CSMD1: variants seen among roughly 807,000 people sequenced by gnomAD.
CSMD1 encodes CUB and Sushi multiple domains 1.
Under a neutral mutation model 417.5 loss-of-function variants are expected in CSMD1, and 213 were observed. The ratio of observed to expected loss-of-function variants is 0.51; its 90% CI spans 0.46 to 0.57. The LOEUF (loss-of-function observed/expected upper bound fraction) is 0.57, where lower values mean the gene tolerates loss of function less well. Among genes scored for constraint, CSMD1 ranks in the 20% least tolerant of loss-of-function variants. The probability of loss-of-function intolerance (pLI) is 0.00; values close to 1 mark genes in which losing one functional copy is unlikely to be tolerated. For missense variants in CSMD1, 6,923 were observed against 4,529.7 expected (o/e 1.53, Z -15.17); for synonymous variants, 2,862 against 1,736.8 (o/e 1.65, Z -16.11).
intron 17 of CSMD1, among the ~76,000 whole-genome samples, chr8:3,389,165 T>C (rs1305504312): frequency 6.6e-6 from 1 of 152,180 alleles, no homozygotes; most frequent in South Asian, 2.1e-4. Context: ...GTTTGTTACA[T>C]TGGTAAACTT....
At chr8:4,795,075 G>A (rs188159310) in intron 1 of CSMD1, among the ~76,000 whole-genome samples, 2 of 151,802 alleles carry the variant, frequency 1.3e-5, no homozygotes, top group East Asian at 1.9e-4. Flanking sequence ...TTTAATATAT[G>A]GAAGGTAATA....
At chr8:3,697,118 T>C (rs1451140451) in intron 7 of CSMD1, among the ~76,000 whole-genome samples, 2 of 152,196 alleles carry the variant, frequency 1.3e-5, no homozygotes, top group Admixed American at 1.3e-4. Flanking sequence ...TCATCAATAA[T>C]CAGCATAATC....
intron 1 of CSMD1, among the ~76,000 whole-genome samples, chr8:4,809,819 C>A (rs886964405): frequency 1.3e-5 from 2 of 152,262 alleles, no homozygotes; most frequent in Non-Finnish European, 2.9e-5. Context: ...TAGTACATAT[C>A]ATTGTGGACC....
At chr8:4,028,653 T>G (rs992206324) in intron 4 of CSMD1, among the ~76,000 whole-genome samples, 1 of 152,226 alleles carries the variant, frequency 6.6e-6, no homozygotes, top group East Asian at 1.9e-4. Context: ...CAGACTTGTG[T>G]TTGGGTCATA....
intron 1 of CSMD1, among the ~76,000 whole-genome samples, chr8:4,687,746 T>C (rs1806482678): frequency 6.6e-6 from 1 of 152,142 alleles, no homozygotes; most frequent in Non-Finnish European, 1.5e-5. Context: ...TCTTCTTCTA[T>C]TTCTGGTTCC....
chr8:3,662,044 A>C (rs546836092), intron 7 of CSMD1, among the ~76,000 whole-genome samples: 78 of 152,166 alleles, frequency 5.1e-4, no homozygotes, highest in African/African-American at 1.6e-3. Context: ...GTCGTAGAAA[A>C]CATGAAAGGC....
At chr8:4,214,575 G>A (rs942880784) in intron 3 of CSMD1, among the ~76,000 whole-genome samples, 11 of 152,164 alleles carry the variant, frequency 7.2e-5, no homozygotes, top group Admixed American at 4.6e-4. Context: ...TGGAATTACA[G>A]GCATGAGCCA....
At chr8:3,487,056 A>T (rs544788643) in intron 11 of CSMD1, among the ~76,000 whole-genome samples, 9 of 152,312 alleles carry the variant, frequency 5.9e-5, no homozygotes, top group African/African-American at 2.2e-4. Context: ...ACCTGGCATA[A>T]CAACATTCTA....
Position 3,719,919 on chromosome 8 carries a change from C to A in CSMD1, c.932-11428G>T, listed in dbSNP as rs146021210. Among the ~76,000 whole-genome samples, 6 of 152,202 alleles carry A rather than the reference C, an allele frequency of 3.9e-5. No homozygotes were observed. The East Asian group carries it at 7.7e-4, about 20-fold the overall frequency. On this transcript the variant is annotated intron_variant, in intron 6 of 69. Transcript: ENST00000635120. The stretch of plus-strand genomic sequence containing the variant: ...TGTCACCTTGCCAGGTTAAAAATGC[C>A]TCTAAATCGCAGATTCCTCGTGTGT...
rs78349190 is a variant in CSMD1 at position 3,514,451 on chromosome 8, G to A, written c.1345-20725C>T. On this transcript the variant is annotated intron_variant, in intron 10 of 69. Transcript: ENST00000635120. ...TGTGGTGTTATCCCCATCTGCTCAC[G>A]GGTCATCCCCACTGAAGAACCCAGG... Among the ~76,000 whole-genome samples, 2,727 of 152,134 alleles carry A rather than the reference G, an allele frequency of 0.018. 161 individuals carry two copies. In the East Asian group the frequency reaches 0.22, roughly 12 times the overall value.
chr8:3,617,923 A>G (rs866084005), intron 7 of CSMD1, among the ~76,000 whole-genome samples: 3 of 152,226 alleles, frequency 2.0e-5, no homozygotes, highest in East Asian at 1.9e-4. Context: ...GAAGAAAATA[A>G]TATGTCTGGG....
At chr8:3,510,986 C>T (rs1585279187) in intron 10 of CSMD1, among the ~76,000 whole-genome samples, 1 of 151,742 alleles carries the variant, frequency 6.6e-6, no homozygotes, top group South Asian at 2.1e-4. Context: ...AACCCAAAGG[C>T]CCATCAATGA....
intron 1 of CSMD1, among the ~76,000 whole-genome samples, chr8:4,783,363 G>A (rs1050735854): frequency 6.6e-6 from 1 of 152,172 alleles, no homozygotes; most frequent in African/African-American, 2.4e-5. Context: ...ATCAGAGGCT[G>A]GGAGAGAGCT....
At chr8:4,774,047 A>G (rs1196643085) in intron 1 of CSMD1, among the ~76,000 whole-genome samples, 2 of 152,100 alleles carry the variant, frequency 1.3e-5, no homozygotes, top group Non-Finnish European at 2.9e-5. Flanking sequence ...AATACAAAAT[A>G]TTAGCTGGGC....
rs532374869 is a variant in CSMD1, at chr8:4,035,960, C to A, written c.416-3861G>T. The stretch of plus-strand genomic sequence containing the variant: ...CACAAACTCTATTCACGGTAAGTGT[C>A]CTATGAGAGTGTAACACTTTTTTTT... On this transcript the variant is annotated intron_variant, in intron 3 of 69. Transcript: ENST00000635120. Among the ~76,000 whole-genome samples the A allele has an allele frequency of 8.8e-4, 134 of 152,274 alleles. 2 individuals are homozygous for A. The highest frequency in any genetic ancestry group is 3.2e-3 in the African/African-American group (132 of 41,558).
chr8:3,878,195 G>A (rs1805957602), intron 5 of CSMD1, among the ~76,000 whole-genome samples: 1 of 152,050 alleles, frequency 6.6e-6, no homozygotes, highest in East Asian at 1.9e-4. Flanking sequence ...AAATTTTGTA[G>A]TTCAGGGATA....
At chr8:4,766,830 G>A (rs1389663693) in intron 1 of CSMD1, among the ~76,000 whole-genome samples, 1 of 152,124 alleles carries the variant, frequency 6.6e-6, no homozygotes, top group East Asian at 1.9e-4. Flanking sequence ...TGTTAACCAT[G>A]ATTTCTTATG....
At chr8:4,413,689 G>A (rs1686399556) in intron 3 of CSMD1, among the ~76,000 whole-genome samples, 1 of 152,196 alleles carries the variant, frequency 6.6e-6, no homozygotes, top group East Asian at 1.9e-4. Flanking sequence ...CTTACCCAGT[G>A]AGTATTTTCC....
chr8:4,021,996 G>T (rs1344894974), intron 4 of CSMD1, among the ~76,000 whole-genome samples: 1 of 151,712 alleles, frequency 6.6e-6, no homozygotes. Context: ...AGTTAGGTCT[G>T]TCTAATTCTG....
Sources: allele counts gnomAD v4.1 joint callset (sites outside exome capture counted in the v4.1 genomes callset), GRCh38; gene constraint gnomAD v4.1.1; transcripts MANE v1.5; gene names NCBI Gene and HGNC (gene_info 2026-07-23, HGNC 2026-07-21).